The following GABRA3 variants were observed in gnomAD, a reference collection of about 807,000 sequenced individuals.
GABRA3 encodes the protein gamma-aminobutyric acid type A receptor subunit alpha3.
In GABRA3, 10 loss-of-function variants were observed where a neutral mutation model predicts 30.1. The ratio of observed to expected loss-of-function variants is 0.33; its 90% CI spans 0.20 to 0.56. The LOEUF (loss-of-function observed/expected upper bound fraction) is 0.56, where lower values mean the gene tolerates loss of function less well. Ranked by LOEUF, GABRA3 falls within the 20% of genes least tolerant of loss-of-function variation. GABRA3 has a pLI of 0.89. For missense variants in GABRA3, 233 were observed against 392.0 expected, an observed-to-expected ratio of 0.59 and a Z score of 3.42; for synonymous variants, 151 against 146.8, an observed-to-expected ratio of 1.03 and a Z score of -0.21.
At chrX:152,314,002 T>C (rs927777627) in intron 3 of GABRA3, among the ~76,000 whole-genome samples, 1 of 111,226 alleles carries the variant, frequency 9.0e-6, no homozygotes, top group Non-Finnish European at 1.9e-5. Context: ...ATCAAGCTCC[T>C]TGCCCAGGAT....
intron 1 of GABRA3, among the ~76,000 whole-genome samples, chrX:152,450,782 G>A (rs1931201433): frequency 8.9e-6 from 1 of 112,504 alleles, no homozygotes; most frequent in African/African-American, 3.2e-5. Flanking sequence ...TGTCTGCTTT[G>A]GCTAGGGGCC....
intron 1 of GABRA3, among the ~76,000 whole-genome samples, chrX:152,383,973 C>CAAAAAAAA (rs34355005): frequency 1.4e-5 from 1 of 73,234 alleles, no homozygotes; most frequent in Admixed American, 1.6e-4. Flanking sequence ...GACTCCACCA[C>CAAAAAAAA]AAAAAAAAAA....
At chrX:152,312,473 A>C (rs144171496) in intron 3 of GABRA3, among the ~76,000 whole-genome samples, 226 of 112,285 alleles carry the variant, frequency 2.0e-3, no homozygotes, top group African/African-American at 6.8e-3. Flanking sequence ...TTCACCATAT[A>C]CAAAATCAAC....
At chrX:152,445,837 A>G (rs1377137205) in intron 1 of GABRA3, among the ~76,000 whole-genome samples, 1 of 112,087 alleles carries the variant, frequency 8.9e-6, no homozygotes, top group Non-Finnish European at 1.9e-5. Flanking sequence ...CAAACCGAGT[A>G]TCCAAGTCAG....
intron 1 of GABRA3, among the ~76,000 whole-genome samples, chrX:152,444,103 G>C (rs1037512575): frequency 9.1e-6 from 1 of 110,401 alleles, no homozygotes; most frequent in Admixed American, 9.7e-5. Context: ...TAATGCGGTT[G>C]TTTTACTTTT....
chrX:152,449,241 T>G (rs1424924717), intron 1 of GABRA3, among the ~76,000 whole-genome samples: 2 of 112,174 alleles, frequency 1.8e-5, no homozygotes, highest in Non-Finnish European at 3.8e-5. Context: ...TTTCTGACAA[T>G]CAGAGTTGCT....
intron 1 of GABRA3, among the ~76,000 whole-genome samples, chrX:152,443,787 G>A (rs960090493): frequency 3.6e-5 from 4 of 111,875 alleles, no homozygotes; most frequent in Non-Finnish European, 5.6e-5. Context: ...TAAAAAAGGT[G>A]AGGTTCAAAG....
At chrX:152,279,883 G>A (rs1319199500) in intron 4 of GABRA3, among the ~76,000 whole-genome samples, 2 of 110,944 alleles carry the variant, frequency 1.8e-5, no homozygotes, top group East Asian at 2.8e-4. Flanking sequence ...ATTGTGAATG[G>A]GAGCTCACTC....
At chrX:152,295,676 G>A (rs1400513032) in intron 3 of GABRA3, among the ~76,000 whole-genome samples, 1 of 112,505 alleles carries the variant, frequency 8.9e-6, no homozygotes, top group African/African-American at 3.2e-5. Flanking sequence ...GCTCCGCCCT[G>A]TTTCGGGTCA....
intron 4 of GABRA3, among the ~76,000 whole-genome samples, chrX:152,270,422 A>C (rs765886924): frequency 1.8e-5 from 2 of 111,839 alleles, no homozygotes; most frequent in East Asian, 5.7e-4. Context: ...GCAGTTCTTT[A>C]TGGCAGTGTG....
At chrX:152,303,728 A>G (rs934129168) in intron 3 of GABRA3, among the ~76,000 whole-genome samples, 26 of 109,517 alleles carry the variant, frequency 2.4e-4, no homozygotes, top group African/African-American at 6.7e-5. Flanking sequence ...ACCAAACACC[A>G]CATGTTCTCA....
At chrX:152,411,515 G>T (rs1930070271) in intron 1 of GABRA3, among the ~76,000 whole-genome samples, 1 of 111,490 alleles carries the variant, frequency 9.0e-6, no homozygotes, top group African/African-American at 3.3e-5. Flanking sequence ...TGGGGCAACT[G>T]GATATCCATA....
chrX:152,339,142 T>G (rs1940277409), intron 3 of GABRA3, among the ~76,000 whole-genome samples: 1 of 111,316 alleles, frequency 9.0e-6, no homozygotes, highest in Non-Finnish European at 1.9e-5. Context: ...TTTAACAATA[T>G]TAATAAATAA....
chrX:152,441,895 T>C (rs914415034), intron 1 of GABRA3, among the ~76,000 whole-genome samples: 7 of 111,830 alleles, frequency 6.3e-5, no homozygotes, highest in Admixed American at 4.8e-4. Flanking sequence ...TTGGAGAACA[T>C]TTTTTATGAT....
intron 3 of GABRA3, among the ~76,000 whole-genome samples, chrX:152,322,535 T>A (rs1370020914): frequency 9.1e-6 from 1 of 109,972 alleles, no homozygotes; most frequent in Admixed American, 9.7e-5. Flanking sequence ...TAAAGTCAAC[T>A]CTTTTTTTTT....
intron 2 of GABRA3, among the ~76,000 whole-genome samples, chrX:152,353,726 C>A (rs765367101): frequency 8.9e-6 from 1 of 111,781 alleles, no homozygotes; most frequent in Non-Finnish European, 1.9e-5. Context: ...GCCATCAGCT[C>A]AAAGACTTTG....
In GABRA3 at chrX:152,329,549, T is replaced by G. The variant is rs971722445; in HGVS notation, c.262+16032A>C. ...GCCCTCAGAAATAATACCACACATCTTCAACCATCTGATCTTTGATAAACC... is the reference window on the plus strand; with the variant it reads ...GCCCTCAGAAATAATACCACACATCGTCAACCATCTGATCTTTGATAAACC... On this transcript the variant is annotated intron_variant, in intron 3 of 9. Transcript: ENST00000370314. Among the ~76,000 whole-genome samples, 8 of 111,698 alleles carry G rather than the reference T, an allele frequency of 7.2e-5. No individual in the cohort carries two copies. In the East Asian group the frequency reaches 8.4e-4, roughly 12 times the overall value.
At chrX:152,267,752 G>A (rs1938853510) in intron 4 of GABRA3, among the ~76,000 whole-genome samples, 1 of 110,807 alleles carries the variant, frequency 9.0e-6, no homozygotes. Flanking sequence ...TATGTGTCAA[G>A]GAATGTATCC....
At chrX:152,355,136 C>T (rs748140920) in intron 2 of GABRA3, among the ~76,000 whole-genome samples, 1 of 111,109 alleles carries the variant, frequency 9.0e-6, no homozygotes, top group Non-Finnish European at 1.9e-5. Flanking sequence ...GCAGTCTCCT[C>T]TTCAGTTCAC....
Sources: gnomAD v4.1 joint callset for allele counts (sites outside exome capture counted in the v4.1 genomes callset) on GRCh38, gnomAD v4.1.1 for gene constraint, MANE v1.5 for transcripts, NCBI Gene and HGNC (gene_info 2026-07-23, HGNC 2026-07-21) for gene names.